The following DDX47 variants were observed in gnomAD, a reference collection of about 807,000 sequenced individuals.
DDX47 encodes probable ATP-dependent RNA helicase DDX47.
DDX47 carries 60 observed loss-of-function variants against 58.8 expected under a neutral mutation model. The ratio of observed to expected loss-of-function variants is 1.02; its 90% CI spans 0.83 to 1.26. The LOEUF is 1.26. Ranked by LOEUF, DDX47 falls within the 50% of genes most tolerant of loss-of-function variation. DDX47 has a pLI of 0.00. For synonymous variants in DDX47, 197 were observed against 204.6 expected (o/e 0.96, Z 0.32); for missense variants, 530 against 573.2 (o/e 0.92, Z 0.77).
In DDX47 at chr12:12,821,405, CTGAGAG is replaced by C; in HGVS notation, c.370+10_370+15del. On this transcript the variant is annotated intron_variant, in intron 3 of 11. Transcript: ENST00000358007. The stretch of plus-strand genomic sequence containing the variant: ...TATTGGAGTGCAGAGTGGTAAGTGT[CTGAGAG>C]GGAAGGGATCCTAGGTTGCCATCAC... 1 of 1,614,018 alleles carries C rather than the reference CTGAGAG, an allele frequency of 6.2e-7. No homozygotes were observed. Among genetic ancestry groups the C allele is most frequent in the South Asian group, 1.1e-5 (1 of 91,072 alleles).
At chr12:12,820,920 C>T (rs1862960049) in intron 2 of DDX47, 1 of 417,210 alleles carries the variant, frequency 2.4e-6, no homozygotes, top group South Asian at 2.4e-5. Context: ...TTTTCTGACT[C>T]TTCTGGGCAG....
At chr12:12,824,482 T>C in intron 8 of DDX47, 58 bp from the exon 9 acceptor site, 1 of 1,561,948 alleles carries the variant, frequency 6.4e-7, no homozygotes, top group Non-Finnish European at 8.7e-7. Context: ...GTCTATTTTG[T>C]GTTTTGTATT....
chr12:12,825,541 G>C (rs1863039662), intron 9 of DDX47, among the ~76,000 whole-genome samples: 1 of 152,168 alleles, frequency 6.6e-6, no homozygotes, highest in Non-Finnish European at 1.5e-5. Flanking sequence ...AACTGCTGTA[G>C]ACAAGATGCT....
rs1031321937 is a variant in DDX47 at position 12,822,540 on chromosome 12, G to C, written c.562-121G>C. The C allele has an allele frequency of 5.8e-5, 44 of 753,998 alleles. No homozygotes were observed. The East Asian group carries it at 1.1e-3, about 19-fold the overall frequency. 46.7% of individuals were successfully genotyped at this position (753,998 alleles called of 1,614,324 possible). A position where few individuals can be genotyped will look rare whatever the true frequency, so the allele number is the denominator to read the frequency against. ...TAGCTGAATCAAATTGAATTTTCGA[G>C]TCCCAAATCTTCACAGTGATATATT... On this transcript the variant is annotated intron_variant, in intron 5 of 11. Coordinates refer to ENST00000358007, the MANE Select transcript of DDX47 (RefSeq NM_016355.4).
intron 10 of DDX47, 128 bp downstream of exon 10, chr12:12,826,198 G>A: frequency 1.5e-6 from 1 of 666,246 alleles, no homozygotes; most frequent in South Asian, 2.4e-5. Context: ...GGATGAAGGA[G>A]TTGAAAGATG....
intron 11 of DDX47, among the ~76,000 whole-genome samples, chr12:12,827,787 A>T (rs544692421): frequency 4.6e-5 from 7 of 152,256 alleles, no homozygotes; most frequent in Admixed American, 1.3e-4. Flanking sequence ...AGAGAAGCCA[A>T]TATAAACTAC....
intron 9 of DDX47, among the ~76,000 whole-genome samples, 164 bp from the exon 10 acceptor site, chr12:12,825,836 A>G (rs1863043834): frequency 6.6e-6 from 1 of 152,238 alleles, no homozygotes; most frequent in South Asian, 2.1e-4. Context: ...AACAAAAAAG[A>G]TGAAGTAGAT....
chr12:12,825,675 G>T (rs1863041400), intron 9 of DDX47, among the ~76,000 whole-genome samples: 1 of 152,150 alleles, frequency 6.6e-6, no homozygotes, highest in Non-Finnish European at 1.5e-5. Context: ...CTGGCAGATG[G>T]GAAGGATCAG....
chr12:12,828,420 C>A (rs1250342947), intron 11 of DDX47, among the ~76,000 whole-genome samples: 1 of 152,068 alleles, frequency 6.6e-6, no homozygotes, highest in African/African-American at 2.4e-5. Flanking sequence ...TGCAAATATT[C>A]TAGAATTAGA....
intron 4 of DDX47, 63 bp from the exon 5 acceptor site, chr12:12,821,902 T>A: frequency 7.8e-7 from 1 of 1,284,930 alleles, no homozygotes; most frequent in Non-Finnish European, 1.1e-6. Context: ...TTTGTTTATT[T>A]GTTTTGTTTT....
chr12:12,828,520 A>T (rs1863087953), intron 11 of DDX47, among the ~76,000 whole-genome samples: 1 of 152,208 alleles, frequency 6.6e-6, no homozygotes, highest in Admixed American at 6.6e-5. Flanking sequence ...AATAGTGGTG[A>T]TGAGAAGATT....
At chr12:12,826,253 A>G (rs1265703297) in intron 10 of DDX47, 183 bp downstream of exon 10, 1 of 483,228 alleles carries the variant, frequency 2.1e-6, no homozygotes, top group African/African-American at 2.0e-5. Flanking sequence ...AAAATTGGAG[A>G]TTATATATGT....
Position 12,829,581 on chromosome 12 carries a change from C to T in DDX47, c.*27C>T. 1 of 1,607,522 alleles carries T rather than the reference C, an allele frequency of 6.2e-7. No homozygotes were observed. The highest frequency in any genetic ancestry group is 8.5e-7 in the Non-Finnish European group (1 of 1,177,684). ...CACTTTTATGAAGGCTCGAGTTCTG[C>T]TGTTCTGTAAAAGAGAATTGGAGAA... On this transcript the variant is annotated 3_prime_UTR_variant, in exon 12 of 12. Coordinates refer to ENST00000358007, the MANE Select transcript of DDX47 (RefSeq NM_016355.4).
At chr12:12,816,062 G>GA (rs1464860232) in intron 2 of DDX47, among the ~76,000 whole-genome samples, 1 of 152,038 alleles carries the variant, frequency 6.6e-6, no homozygotes, top group East Asian at 1.9e-4. Flanking sequence ...AAGGGGTGGG[G>GA]AAAATCTAAG....
Position 12,829,631 on chromosome 12 carries a change from T to C in DDX47, c.*77T>C, listed in dbSNP as rs1863103080. Reference sequence around the variant, plus strand: ...ATGAAACCTGCTCCAACAGAGATCATGAGACTGAAATTGGTCAGAATTGTG... The same window carrying C: ...ATGAAACCTGCTCCAACAGAGATCACGAGACTGAAATTGGTCAGAATTGTG... On this transcript the variant is annotated 3_prime_UTR_variant, in exon 12 of 12. Coordinates refer to ENST00000358007, the MANE Select transcript of DDX47 (RefSeq NM_016355.4). The C allele has an allele frequency of 4.6e-6, 7 of 1,532,792 alleles. No individual in the cohort carries two copies. Among genetic ancestry groups the C allele is most frequent in the East Asian group, 4.6e-5 (2 of 43,418 alleles). The allele number at this position is 1,532,792 out of a possible 1,614,324, so 94.9% of individuals were successfully genotyped here. A position where few individuals can be genotyped will look rare whatever the true frequency, so the allele number is the denominator to read the frequency against.
In DDX47 at chr12:12,829,743, G is replaced by A; in HGVS notation, c.*189G>A. On this transcript the variant is annotated 3_prime_UTR_variant, in exon 12 of 12. Coordinates refer to ENST00000358007, the MANE Select transcript of DDX47 (RefSeq NM_016355.4). ...GTAATTCTTACAGTGCTGATGTCAA[G>A]ACTGTTACTGTTCTTCGACTTTGAT... 1 of 572,096 alleles carries A rather than the reference G, an allele frequency of 1.7e-6. No individual in the cohort carries two copies. Among genetic ancestry groups the A allele is most frequent in the Admixed American group, 3.8e-5 (1 of 26,366 alleles). 35.4% of individuals were successfully genotyped at this position (572,096 alleles called of 1,614,324 possible).
chr12:12,827,398 C>A, intron 11 of DDX47, 23 bp downstream of exon 11: 1 of 1,613,142 alleles, frequency 6.2e-7, no homozygotes, highest in Non-Finnish European at 8.5e-7. Flanking sequence ...CTTTTCTCAC[C>A]AGTGTCTGTG....
At position 12,826,012 on chromosome 12, in the gene DDX47, C is replaced by G. The variant is rs746073969; in HGVS notation, c.1048C>G (p.Arg350Gly). 6.2e-7 allele frequency: 1 copy of G among 1,612,076 alleles called. No homozygotes were observed. Among genetic ancestry groups the G allele is most frequent in the Non-Finnish European group, 8.5e-7 (1 of 1,179,082 alleles). The change falls in exon 10 of 12, where the codon CGA (arginine) becomes GGA (glycine). Residue 350 changes from arginine to glycine, a missense_variant. Coordinates refer to ENST00000358007, the MANE Select transcript of DDX47 (RefSeq NM_016355.4). Reference protein sequence around the residue: ...IPTHSKDYIHRVGRTARAGRS... With the variant: ...IPTHSKDYIHGVGRTARAGRS... ...CTTTTTGTTTTAGGATTACATCCAT[C>G]GAGTAGGTCGAACAGCTAGAGCTGG...
intron 7 of DDX47, 31 bp from the exon 8 acceptor site, chr12:12,823,839 T>C: frequency 6.2e-7 from 1 of 1,605,838 alleles, no homozygotes; most frequent in African/African-American, 1.3e-5. Context: ...CCAGGTTCAA[T>C]GACATATATT....
Sources: gnomAD v4.1 joint callset for allele counts (sites outside exome capture counted in the v4.1 genomes callset) on GRCh38, gnomAD v4.1.1 for gene constraint, MANE v1.5 for transcripts, NCBI Gene and HGNC (gene_info 2026-07-23, HGNC 2026-07-21) for gene names.